The following DPP6 variants were observed in gnomAD, a reference collection of about 807,000 sequenced individuals.
The protein encoded by DPP6 is dipeptidyl peptidase like 6.
A neutral mutation model predicts 122.6 loss-of-function variants in DPP6; 69 were observed. The observed-to-expected ratio is 0.56, with a 90% CI of 0.46 to 0.69. DPP6 has a LOEUF of 0.69. Among genes scored for constraint, DPP6 ranks in the 30% least tolerant of loss-of-function variants. The probability of loss-of-function intolerance (pLI) is 0.00; values close to 1 mark genes in which losing one functional copy is unlikely to be tolerated. For synonymous variants in DPP6, 418 were observed against 433.1 expected, an observed-to-expected ratio of 0.97 and a Z score of 0.43; for missense variants, 928 against 1,116.9, an observed-to-expected ratio of 0.83 and a Z score of 2.41.
chr7:154,507,333 ATAGGTTTACATG>A (rs1260616826), intron 3 of DPP6, among the ~76,000 whole-genome samples: 4 of 152,088 alleles, frequency 2.6e-5, no homozygotes, highest in Non-Finnish European at 4.4e-5. Context: ...TGTTTGTTAC[ATAGGTTTACATG>A]TGCCATAGTG....
intron 1 of DPP6, among the ~76,000 whole-genome samples, chr7:154,246,000 C>A (rs1801960873): frequency 6.6e-6 from 1 of 152,156 alleles, no homozygotes; most frequent in African/African-American, 2.4e-5. Context: ...AAGTAGAACT[C>A]ACATTATGTT....
chr7:154,384,736 TC>T (rs10708283), intron 1 of DPP6, among the ~76,000 whole-genome samples: 16,891 of 96,790 alleles, frequency 0.17, 1,056 homozygotes, highest in South Asian at 0.23. Flanking sequence ...TTTCTTTCTT[TC>T]TTTTATTTTT....
At chr7:154,796,876 T>C (rs1034059379) in intron 12 of DPP6, among the ~76,000 whole-genome samples, 3 of 152,196 alleles carry the variant, frequency 2.0e-5, no homozygotes, top group Non-Finnish European at 2.9e-5. Flanking sequence ...ATGTATCCTG[T>C]TTCTGCTCTG....
intron 6 of DPP6, among the ~76,000 whole-genome samples, chr7:154,654,947 T>G (rs1837143385): frequency 1.3e-5 from 2 of 152,306 alleles, no homozygotes; most frequent in South Asian, 4.1e-4. Context: ...CCCTAGCCAC[T>G]CAGTGACTGG....
chr7:153,922,569 G>A (rs966459207), intron 1 of DPP6, among the ~76,000 whole-genome samples: 3 of 152,204 alleles, frequency 2.0e-5, no homozygotes, highest in African/African-American at 7.2e-5. Context: ...CTCCAGGTCT[G>A]AGAAACAAAT....
chr7:154,294,171 G>A (rs1169952993), intron 1 of DPP6, among the ~76,000 whole-genome samples: 4 of 152,166 alleles, frequency 2.6e-5, no homozygotes, highest in African/African-American at 9.7e-5. Flanking sequence ...AAACTCACAG[G>A]CAGGGCCGGG....
At chr7:154,669,278 A>G (rs1838395241) in intron 6 of DPP6, 82 bp from the exon 7 acceptor site, 1 of 1,547,436 alleles carries the variant, frequency 6.5e-7, no homozygotes, top group Admixed American at 2.0e-5. Context: ...GTTAAGTTAT[A>G]GGTAGGGGAT....
intron 7 of DPP6, among the ~76,000 whole-genome samples, chr7:154,722,566 A>G (rs1841872693): frequency 6.6e-6 from 1 of 152,210 alleles, no homozygotes; most frequent in African/African-American, 2.4e-5. Context: ...ACATGAGAAA[A>G]ATCGTGTTTC....
chr7:153,760,482 T>C, the DPP6 span, among the ~76,000 whole-genome samples: 1 of 152,160 alleles, frequency 6.6e-6, no homozygotes, highest in East Asian at 1.9e-4. Context: ...TTTTATCTTG[T>C]ACATGCTGGA....
intron 1 of DPP6, among the ~76,000 whole-genome samples, chr7:154,029,442 G>T (rs1004775598): frequency 6.6e-6 from 1 of 151,948 alleles, no homozygotes; most frequent in Non-Finnish European, 1.5e-5. Context: ...GCGTGAACCT[G>T]GGAGGCAGAG....
chr7:153,853,877 T>C, the DPP6 span, among the ~76,000 whole-genome samples: 1 of 151,382 alleles, frequency 6.6e-6, no homozygotes, highest in Non-Finnish European at 1.5e-5. Context: ...ATTTTGGCTT[T>C]TGTTGCCATT....
the DPP6 span, among the ~76,000 whole-genome samples, chr7:153,844,322 C>T: frequency 6.6e-6 from 1 of 152,194 alleles, no homozygotes; most frequent in African/African-American, 2.4e-5. Flanking sequence ...TGGCGCTGAT[C>T]CTGATTGGAT....
chr7:154,711,904 T>C (rs994161081), intron 7 of DPP6, among the ~76,000 whole-genome samples: 7 of 150,798 alleles, frequency 4.6e-5, no homozygotes, highest in African/African-American at 1.7e-4. Flanking sequence ...TTTGAATTGG[T>C]TTAAGAAATA....
the DPP6 span, among the ~76,000 whole-genome samples, chr7:153,814,590 C>A: frequency 6.6e-6 from 1 of 152,282 alleles, no homozygotes; most frequent in African/African-American, 2.4e-5. Flanking sequence ...AAGAGGGAAT[C>A]CTCCCTAATT....
At chr7:154,587,358 A>G in intron 5 of DPP6, 1 of 461,242 alleles carries the variant, frequency 2.2e-6, no homozygotes, top group Admixed American at 3.7e-5. Flanking sequence ...AACCATTCCC[A>G]CTGCCTTTGC....
chr7:154,127,259 C>T lies in DPP6; in HGVS notation c.243+74196C>T, dbSNP rs1038092219. On this transcript the variant is annotated intron_variant, in intron 1 of 25. Coordinates refer to ENST00000377770, the MANE Select transcript of DPP6 (RefSeq NM_130797.4). ...AGCTAATTCCAATGATTGCTGTAGA[C>T]ATTTTAAGAAAATATTTTCCAAGAG... Among the ~76,000 whole-genome samples, 7 of 152,236 alleles carry T rather than the reference C, an allele frequency of 4.6e-5. 1 individual carries two copies. Among genetic ancestry groups the T allele is most frequent in the African/African-American group, 1.7e-4 (7 of 41,524 alleles).
intron 1 of DPP6, among the ~76,000 whole-genome samples, chr7:154,104,317 C>T (rs1053636550): frequency 6.6e-6 from 1 of 152,174 alleles, no homozygotes; most frequent in Non-Finnish European, 1.5e-5. Flanking sequence ...ATTTTGCTTC[C>T]TGGACAACTT....
chr7:154,587,384 TCTCTC>T, intron 5 of DPP6: 1 of 542,902 alleles, frequency 1.8e-6, no homozygotes, highest in Non-Finnish European at 3.3e-6. Context: ...TCTGGACTCT[TCTCTC>T]CTCTTGCCAG....
At chr7:154,887,620 T>C in intron 22 of DPP6, 56 bp from the exon 23 acceptor site, 1 of 1,593,970 alleles carries the variant, frequency 6.3e-7, no homozygotes, top group Non-Finnish European at 8.6e-7. Context: ...GTTTGGGGGC[T>C]GCGCTCACAG....
Sources: gnomAD v4.1 joint callset for allele counts (sites outside exome capture counted in the v4.1 genomes callset) on GRCh38, gnomAD v4.1.1 for gene constraint, MANE v1.5 for transcripts, NCBI Gene and HGNC (gene_info 2026-07-23, HGNC 2026-07-21) for gene names.